DLEC1: variants seen among roughly 807,000 people sequenced by gnomAD.
DLEC1 encodes the protein DLEC1 cilia and flagella associated protein.
DLEC1 carries 146 observed loss-of-function variants against 198.1 expected under a neutral mutation model. That is an observed-to-expected ratio of 0.74 (90% CI 0.64 to 0.85). The LOEUF (loss-of-function observed/expected upper bound fraction) is 0.85. DLEC1 is among the 40% of genes least tolerant of loss of function. DLEC1 has a pLI of 0.00. For missense variants in DLEC1, 2,233 were observed against 2,220.0 expected (o/e 1.01, Z -0.12); for synonymous variants, 897 against 866.8 (o/e 1.03, Z -0.61).
intron 2 of DLEC1, among the ~76,000 whole-genome samples, chr3:38,057,838 A>G (rs1253202771): frequency 1.4e-5 from 2 of 140,138 alleles, no homozygotes. Context: ...TTTTTTTGAG[A>G]CAGAGTCTCG....
chr3:38,089,813 ATTGT>A (rs146599963), intron 10 of DLEC1, among the ~76,000 whole-genome samples: 1,548 of 152,144 alleles, frequency 0.01, 27 homozygotes, highest in African/African-American at 0.034. Flanking sequence ...TTGTTTACTG[ATTGT>A]TTGGGGGTTT....
chr3:38,115,142 G>C (rs80150775), intron 27 of DLEC1, 89 bp downstream of exon 27: 2 of 1,459,308 alleles, frequency 1.4e-6, no homozygotes, highest in East Asian at 2.3e-5. Flanking sequence ...GAGGGAAGCC[G>C]ATGGCCCATG....
chr3:38,110,011 T>C, intron 22 of DLEC1, 88 bp from the exon 23 acceptor site: 1 of 1,463,746 alleles, frequency 6.8e-7, no homozygotes, highest in South Asian at 1.2e-5. Flanking sequence ...TCTGGGCAGC[T>C]TCTGCATGCC....
chr3:38,093,550 G>C, intron 11 of DLEC1, 55 bp from the exon 12 acceptor site: 1 of 1,605,744 alleles, frequency 6.2e-7, no homozygotes, highest in Non-Finnish European at 8.5e-7. Context: ...AGCAGCCTTG[G>C]CCTGATTTCA....
At chr3:38,103,264 A>G (rs1439879376) in intron 19 of DLEC1, 1 of 152,162 alleles carries the variant, frequency 6.6e-6, no homozygotes, top group African/African-American at 2.4e-5. Flanking sequence ...GGGGCAGCCC[A>G]CTCTTCCATG....
chr3:38,095,197 C>A, intron 13 of DLEC1, 126 bp downstream of exon 13: 2 of 1,225,782 alleles, frequency 1.6e-6, no homozygotes, highest in Non-Finnish European at 2.3e-6. Flanking sequence ...CCCAGGCCAG[C>A]ACTTGGCTGA....
At chr3:38,116,920 G>A (rs1293449652) in intron 29 of DLEC1, 31 bp downstream of exon 29, 1 of 1,612,032 alleles carries the variant, frequency 6.2e-7, no homozygotes, top group Non-Finnish European at 8.5e-7. Flanking sequence ...GGAGCTGTCT[G>A]CATTGGCCGG....
rs575402317 is a variant in DLEC1 at position 38,088,578 on chromosome 3, A to T, written c.1665+190A>T. 2.6e-5 allele frequency among the ~76,000 whole-genome samples: 4 copies of T among 152,276 alleles called. No individual in the cohort carries two copies. The East Asian group carries it at 7.7e-4, about 29-fold the overall frequency. On this transcript the variant is annotated intron_variant, in intron 10 of 36. Coordinates refer to ENST00000308059, the MANE Select transcript of DLEC1 (RefSeq NM_007335.4). ...GACTGTCTTATGAGCATTTTCACAAAGCAAATGCAGATAGCCCTAGCATCA... is the reference window on the plus strand; with the variant it reads ...GACTGTCTTATGAGCATTTTCACAATGCAAATGCAGATAGCCCTAGCATCA...
In DLEC1 at chr3:38,118,027, C is replaced by T; in HGVS notation, c.4704+3C>T. ...TCCAAGCACAGGAGAACATGCTGGT[C>T]AGTGGGGGAGTCTGCAGCCCTTGCC... On this transcript the variant is annotated splice_donor_region_variant and intron_variant, in intron 33 of 36. Coordinates refer to ENST00000308059, the MANE Select transcript of DLEC1 (RefSeq NM_007335.4). 1 of 1,590,424 alleles carries T rather than the reference C, an allele frequency of 6.3e-7. No individual in the cohort carries two copies. Among genetic ancestry groups the T allele is most frequent in the Non-Finnish European group, 8.6e-7 (1 of 1,168,876 alleles).
chr3:38,098,010 G>A, intron 18 of DLEC1, 108 bp downstream of exon 18: 1 of 1,431,628 alleles, frequency 7.0e-7, no homozygotes, highest in South Asian at 1.3e-5. Context: ...GAGGCTGGTG[G>A]AGGAAAAGCC....
chr3:38,059,628 G>A, intron 2 of DLEC1, 114 bp from the exon 3 acceptor site: 1 of 844,556 alleles, frequency 1.2e-6, no homozygotes, highest in Non-Finnish European at 1.9e-6. Flanking sequence ...ACAGGTTTCT[G>A]AGAAGGAATT....
chr3:38,055,871 T>C (rs1308306454), intron 2 of DLEC1, among the ~76,000 whole-genome samples: 1 of 152,132 alleles, frequency 6.6e-6, no homozygotes, highest in African/African-American at 2.4e-5. Flanking sequence ...TTCATGGCTC[T>C]GGAGATGAAA....
At chr3:38,090,397 A>G (rs1698681810) in intron 10 of DLEC1, among the ~76,000 whole-genome samples, 1 of 151,964 alleles carries the variant, frequency 6.6e-6, no homozygotes, top group Non-Finnish European at 1.5e-5. Flanking sequence ...AAAGTTGCCC[A>G]CTCTATACTC....
chr3:38,039,294 G>A lies in DLEC1; in HGVS notation c.69G>A (p.Met23Ile). ...ASRTNECQGT[M>I]WAPTSPPAGS... ...GGACCAACGAGTGCCAGGGGACAAT[G>A]TGGGCGCCAACTTCGCCACCAGCCG... Residue 23 changes from methionine to isoleucine, a missense_variant, in exon 1 of 37, where the codon ATG becomes ATA. Met to Ile is a conservative substitution (Grantham distance 10). Transcript: ENST00000308059. 6.2e-7 allele frequency: 1 copy of A among 1,614,202 alleles called. No homozygotes were observed. Among genetic ancestry groups the A allele is most frequent in the Non-Finnish European group, 8.5e-7 (1 of 1,180,034 alleles).
Position 38,112,104 on chromosome 3 carries a change from C to G in DLEC1, c.3515-106C>G, listed in dbSNP as rs2125729318. ...CACATGTAGCCTGACCAAGGAGAGG[C>G]TGGAGGGTGGCTTATCGGGGACAGT... On this transcript the variant is annotated intron_variant, in intron 24 of 36. Transcript: ENST00000308059. The surrounding 1 kb of genome is among the most constrained non-coding windows in gnomAD (Gnocchi z 4.8). 5 of 1,537,496 alleles carry G rather than the reference C, an allele frequency of 3.3e-6. No homozygotes were observed. Among genetic ancestry groups the G allele is most frequent in the Non-Finnish European group, 4.4e-6 (5 of 1,127,040 alleles).
chr3:38,087,026 A>T (rs1004674349), intron 9 of DLEC1, among the ~76,000 whole-genome samples: 1 of 151,534 alleles, frequency 6.6e-6, no homozygotes, highest in African/African-American at 2.4e-5. Flanking sequence ...GTGAGCCGAG[A>T]TCGCACCACT....
chr3:38,059,774 G>T lies in DLEC1; in HGVS notation c.595G>T (p.Glu199Ter). The stretch of plus-strand genomic sequence containing the variant: ...TGTCTCCAGATGGTGTATAGACAGC[G>T]AGTTGCTACGGAAACATCATTTGAT... The part of the protein sequence containing the change: ...KSVSRWCIDS[E>*]LLRKHHLISP... Residue 199 changes from glutamate (E) to a stop codon, truncating the protein, a stop_gained, in exon 3 of 37, where the codon GAG becomes TAG. Coordinates refer to ENST00000308059, the MANE Select transcript of DLEC1 (RefSeq NM_007335.4). LOFTEE classifies it high-confidence loss of function. 1 of 1,614,110 alleles carries T rather than the reference G, an allele frequency of 6.2e-7. No individual in the cohort carries two copies.
chr3:38,112,149 G>A lies in DLEC1; in HGVS notation c.3515-61G>A. 1 of 1,608,438 alleles carries A rather than the reference G, an allele frequency of 6.2e-7. No individual in the cohort carries two copies. Among genetic ancestry groups the A allele is most frequent in the Non-Finnish European group, 8.5e-7 (1 of 1,176,732 alleles). ...GACAGTGCTTTGCTCACACACGAGG[G>A]TTTGGACCTCACTCCCAACCCCAGG... On this transcript the variant is annotated intron_variant, in intron 24 of 36. Transcript: ENST00000308059. The surrounding 1 kb of genome is among the most constrained non-coding windows in gnomAD (Gnocchi z 4.8).
chr3:38,084,410 GGTAGTAGTAGTGGTA>G (rs1559430036), intron 7 of DLEC1, among the ~76,000 whole-genome samples, 165 bp downstream of exon 7: 3 of 115,918 alleles, frequency 2.6e-5, no homozygotes, highest in East Asian at 6.9e-4. Flanking sequence ...TAGTGGTGGT[GGTAGTAGTAGTGGTA>G]GTAGTAGTAG....
Sources: allele counts gnomAD v4.1 joint callset (sites outside exome capture counted in the v4.1 genomes callset), GRCh38; gene constraint gnomAD v4.1.1; non-coding constraint Gnocchi (gnomAD v3.1); transcripts MANE v1.5; gene names NCBI Gene and HGNC (gene_info 2026-07-23, HGNC 2026-07-21).